Variants in ZNF75D observed in about 807,000 individuals in gnomAD.
The protein encoded by ZNF75D is zinc finger protein 75D.
Under a neutral mutation model 33.3 loss-of-function variants are expected in ZNF75D, and 33 were observed. The ratio of observed to expected loss-of-function variants is 0.99; its 90% confidence interval spans 0.75 to 1.32. The LOEUF (loss-of-function observed/expected upper bound fraction) is 1.32. Among genes scored for constraint, ZNF75D ranks in the 40% most tolerant of loss-of-function variants. ZNF75D has a pLI of 0.00. For missense variants in ZNF75D, 338 were observed against 367.5 expected (o/e 0.92, Z 0.66); for synonymous variants, 113 against 130.6 (o/e 0.87, Z 0.92).
chrX:135,336,761 T>G (rs1422056813), intron 1 of ZNF75D, among the ~76,000 whole-genome samples: 1 of 112,520 alleles, frequency 8.9e-6, no homozygotes, highest in Non-Finnish European at 1.9e-5. Context: ...TACTCAGAAC[T>G]TTTTCACTCC....
intron 3 of ZNF75D, among the ~76,000 whole-genome samples, chrX:135,293,395 C>G (rs916354918): frequency 3.6e-5 from 4 of 111,800 alleles, no homozygotes; most frequent in African/African-American, 1.3e-4. Flanking sequence ...GGATCTTCTC[C>G]CCTTTCCCAA....
chrX:135,265,359 T>C (rs782392242), intron 1 of ZNF75D, among the ~76,000 whole-genome samples: 3 of 111,261 alleles, frequency 2.7e-5, no homozygotes, highest in East Asian at 5.7e-4. Flanking sequence ...AAGAAGGCTA[T>C]AGAACACCAA....
At chrX:135,293,598 G>T in intron 3 of ZNF75D, 132 bp downstream of exon 3, 1 of 595,493 alleles carries the variant, frequency 1.7e-6, no homozygotes, top group Non-Finnish European at 2.5e-6. Flanking sequence ...TGTCATTTCA[G>T]ATCCTTGCTA....
At chrX:135,321,152 G>A (rs781804248) in intron 1 of ZNF75D, among the ~76,000 whole-genome samples, 26 of 111,040 alleles carry the variant, frequency 2.3e-4, no homozygotes, top group African/African-American at 8.2e-4. Flanking sequence ...TCCTCATATG[G>A]CAGAAAAGTG....
intron 1 of ZNF75D, among the ~76,000 whole-genome samples, chrX:135,278,766 G>A (rs1343251799): frequency 8.9e-6 from 1 of 112,257 alleles, no homozygotes; most frequent in Non-Finnish European, 1.9e-5. Context: ...TTTGTCATTT[G>A]TACTGTTTAA....
Position 135,289,637 on chromosome X carries a change from C to G in ZNF75D, c.823+1372G>C, listed in dbSNP as rs1325874947. 2.2e-4 allele frequency among the ~76,000 whole-genome samples: 12 copies of G among 54,183 alleles called. No individual in the cohort carries two copies. In the East Asian group the frequency reaches 3.2e-3, roughly 15 times the overall value. The allele number at this position is 54,183 out of a possible 115,157, so 47.1% of individuals were successfully genotyped here. A position where few individuals can be genotyped will look rare whatever the true frequency, so the allele number is the denominator to read the frequency against. On this transcript the variant is annotated intron_variant, in intron 6 of 6. Transcript: ENST00000370766. ...ACACACACACACACAGACACACACA[C>G]ACACACACACACACACACACACACA...
intron 1 of ZNF75D, among the ~76,000 whole-genome samples, chrX:135,256,445 C>T (rs1353090354): frequency 1.8e-5 from 2 of 111,711 alleles, no homozygotes; most frequent in African/African-American, 3.3e-5. Context: ...GCATTTGGAC[C>T]AGCCCTCGCC....
In ZNF75D at chrX:135,289,627, GACACACACACACACACACAC is replaced by G. The variant is rs60550937; in HGVS notation, c.823+1362_823+1381del. Among the ~76,000 whole-genome samples the G allele has an allele frequency of 1.0e-4, 9 of 88,920 alleles. No individual in the cohort carries two copies. The East Asian group carries it at 1.1e-3, about 11-fold the overall frequency. The allele number at this position is 88,920 out of a possible 115,157, so 77.2% of individuals were successfully genotyped here. On this transcript the variant is annotated intron_variant, in intron 6 of 6. Coordinates refer to ENST00000370766, the MANE Select transcript of ZNF75D (RefSeq NM_007131.5). ...TGAGACTCTGACACACACACACACA[GACACACACACACACACACAC>G]ACACACACACACACACACACACACA... is the stretch of plus-strand genomic sequence containing the variant.
At chrX:135,308,844 T>A (rs904562563) in intron 1 of ZNF75D, among the ~76,000 whole-genome samples, 1 of 111,767 alleles carries the variant, frequency 8.9e-6, no homozygotes, top group Non-Finnish European at 1.9e-5. Flanking sequence ...GGGTTTGGAG[T>A]AAGATCCATA....
In ZNF75D at chrX:135,291,153, CT is replaced by C; in HGVS notation, c.697-19del. 3 of 1,209,554 alleles carry C rather than the reference CT, an allele frequency of 2.5e-6. No homozygotes were observed. The highest frequency in any genetic ancestry group is 3.4e-6 in the Non-Finnish European group (3 of 894,319). The stretch of plus-strand genomic sequence containing the variant: ...AACAAACTCTAAAGAAGAGAATGGG[CT>C]ATAGTTTAGTACTTGCCACTTCAGA... On this transcript the variant is annotated intron_variant, in intron 5 of 6. Coordinates refer to ENST00000370766, the MANE Select transcript of ZNF75D (RefSeq NM_007131.5).
chrX:135,296,976 G>A (rs1389609732), intron 1 of ZNF75D: 1 of 111,993 alleles, frequency 8.9e-6, no homozygotes, highest in Non-Finnish European at 1.9e-5. Context: ...CTCTGGGCAA[G>A]GTATTTCATA....
chrX:135,332,354 C>G (rs1556440789), intron 1 of ZNF75D, among the ~76,000 whole-genome samples: 1 of 111,012 alleles, frequency 9.0e-6, no homozygotes, highest in Non-Finnish European at 1.9e-5. Context: ...TGTTGAAATC[C>G]TAAGGTGATA....
chrX:135,262,726 G>A (rs1332175946), intron 1 of ZNF75D, among the ~76,000 whole-genome samples: 3 of 111,711 alleles, frequency 2.7e-5, no homozygotes, highest in Non-Finnish European at 3.8e-5. Flanking sequence ...GCTTCCTTGC[G>A]ATGGACTCAA....
intron 1 of ZNF75D, among the ~76,000 whole-genome samples, chrX:135,312,144 T>C (rs1176859719): frequency 9.0e-6 from 1 of 111,655 alleles, no homozygotes; most frequent in Non-Finnish European, 1.9e-5. Flanking sequence ...CTCTTTATAC[T>C]TCCTACCAAC....
intron 1 of ZNF75D, among the ~76,000 whole-genome samples, chrX:135,337,507 A>G (rs1402658778): frequency 7.2e-5 from 8 of 111,863 alleles, no homozygotes; most frequent in Admixed American, 5.7e-4. Context: ...ACATTTTTAT[A>G]TATTTCCTTC....
intron 1 of ZNF75D, among the ~76,000 whole-genome samples, chrX:135,268,006 G>T (rs782753687): frequency 9.2e-6 from 1 of 108,671 alleles, no homozygotes; most frequent in African/African-American, 3.4e-5. Flanking sequence ...CAGAATGAAG[G>T]ACAAAAACAT....
At chrX:135,282,365 C>T (rs967730784), downstream of ZNF75D, among the ~76,000 whole-genome samples, 22 of 111,681 alleles carry the variant, frequency 2.0e-4, no homozygotes, top group Admixed American at 9.5e-4. Flanking sequence ...CGTACCAGGT[C>T]GACTTCAGAC....
intron 1 of ZNF75D, among the ~76,000 whole-genome samples, chrX:135,274,267 A>G (rs1216955233): frequency 8.9e-6 from 1 of 112,277 alleles, no homozygotes; most frequent in African/African-American, 3.2e-5. Context: ...TCAAGTTCAC[A>G]TGACTTAAGT....
intron 1 of ZNF75D, among the ~76,000 whole-genome samples, chrX:135,327,013 A>G (rs1277648714): frequency 8.9e-6 from 1 of 112,747 alleles, no homozygotes; most frequent in Non-Finnish European, 1.9e-5. Context: ...ATTCCCAAGA[A>G]TGATGGTGCT....
Sources: gnomAD v4.1 joint callset for allele counts (sites outside exome capture counted in the v4.1 genomes callset) on GRCh38, gnomAD v4.1.1 for gene constraint, MANE v1.5 for transcripts, NCBI Gene and HGNC (gene_info 2026-07-23, HGNC 2026-07-21) for gene names.